Variants in GBE1 observed in about 807,000 individuals in gnomAD.
GBE1 encodes the protein 1,4-alpha-glucan-branching enzyme.
GBE1 carries 70 observed loss-of-function variants against 88.8 expected under a neutral mutation model. That is an observed-to-expected ratio of 0.79 (90% confidence interval 0.65 to 0.96). The LOEUF (loss-of-function observed/expected upper bound fraction) is 0.96, where lower values mean the gene tolerates loss of function less well. Among genes scored for constraint, GBE1 ranks in the 40% least tolerant of loss-of-function variants. The pLI is 0.00. For synonymous variants in GBE1, 284 were observed against 300.1 expected (o/e 0.95, Z 0.56); for missense variants, 872 against 871.0 (o/e 1.00, Z -0.01).
chr3:81,737,343 T>A (rs13085901), intron 1 of GBE1, among the ~76,000 whole-genome samples: 110 of 33,604 alleles, frequency 3.3e-3, no homozygotes, highest in Middle Eastern at 0.011. Flanking sequence ...TTATATATAT[T>A]TATATAAATA....
intron 14 of GBE1, among the ~76,000 whole-genome samples, chr3:81,503,274 A>G (rs1702613602): frequency 6.6e-6 from 1 of 152,184 alleles, no homozygotes; most frequent in Non-Finnish European, 1.5e-5. Flanking sequence ...TAAATAGAGC[A>G]AAAAGCAATA....
At chr3:81,727,020 G>A (rs1437267243) in intron 1 of GBE1, among the ~76,000 whole-genome samples, 1 of 152,144 alleles carries the variant, frequency 6.6e-6, no homozygotes, top group Non-Finnish European at 1.5e-5. Flanking sequence ...GTGGAGGAGG[G>A]TATGGGGTCC....
chr3:81,576,705 T>C (rs1049532631), intron 12 of GBE1, among the ~76,000 whole-genome samples: 1 of 152,038 alleles, frequency 6.6e-6, no homozygotes, highest in African/African-American at 2.4e-5. Context: ...ACCTGGCTGA[T>C]GCGATACAGT....
At chr3:81,753,168 A>T (rs1706555424) in intron 1 of GBE1, among the ~76,000 whole-genome samples, 1 of 152,170 alleles carries the variant, frequency 6.6e-6, no homozygotes, top group South Asian at 2.1e-4. Flanking sequence ...TTAAAACTCT[A>T]CATAATCATG....
At chr3:81,586,490 T>A (rs1703804563) in intron 9 of GBE1, among the ~76,000 whole-genome samples, 1 of 152,244 alleles carries the variant, frequency 6.6e-6, no homozygotes, top group South Asian at 2.1e-4. Flanking sequence ...ATTTTTGAAC[T>A]ACTGTAAAAC....
chr3:81,670,963 TGAA>T lies in GBE1; in HGVS notation c.314-13_314-11del, dbSNP rs750647412. On this transcript the variant is annotated splice_polypyrimidine_tract_variant and intron_variant, in intron 2 of 15. Transcript: ENST00000429644. ...AATGGATTCCAACCATCTAAAAAAA[TGAA>T]GAAGATCAGTTAACAACAGCATGAT... 3.9e-5 allele frequency: 55 copies of T among 1,405,582 alleles called. No individual in the cohort carries two copies. The Admixed American group carries it at 5.8e-4, about 15-fold the overall frequency. 87.1% of individuals were successfully genotyped at this position (1,405,582 alleles called of 1,614,324 possible).
chr3:81,750,524 C>A (rs1323021465), intron 1 of GBE1, among the ~76,000 whole-genome samples: 2 of 93,892 alleles, frequency 2.1e-5, no homozygotes, highest in Admixed American at 1.2e-4. Flanking sequence ...TCAAAACATT[C>A]ATATATATAT....
chr3:81,535,417 T>TA, intron 13 of GBE1, 92 bp from the exon 14 acceptor site: 2 of 1,240,014 alleles, frequency 1.6e-6, no homozygotes, highest in South Asian at 3.1e-5. Context: ...GTCTGGTTAT[T>TA]AAACCAAAAA....
At chr3:81,519,582 T>G (rs1329065295) in intron 14 of GBE1, among the ~76,000 whole-genome samples, 1 of 150,278 alleles carries the variant, frequency 6.7e-6, no homozygotes, top group Non-Finnish European at 1.5e-5. Context: ...ATAAATAAGC[T>G]GGGGGGGGTT....
intron 10 of GBE1, among the ~76,000 whole-genome samples, chr3:81,583,627 C>G (rs1703761785): frequency 6.6e-6 from 1 of 151,990 alleles, no homozygotes; most frequent in Non-Finnish European, 1.5e-5. Context: ...ATTTTGCTAA[C>G]TGAAAATGCC....
chr3:81,597,054 A>T lies in GBE1; in HGVS notation c.993-3031T>A, dbSNP rs552554394. On this transcript the variant is annotated intron_variant, in intron 7 of 15. Coordinates refer to ENST00000429644, the MANE Select transcript of GBE1 (RefSeq NM_000158.4). The stretch of plus-strand genomic sequence containing the variant: ...TCCAGATTGTGACTGAATTAGAAAT[A>T]TTGTTCAATGTTCTCTCTAGTAGTA... Among the ~76,000 whole-genome samples the T allele has an allele frequency of 2.0e-5, 3 of 152,032 alleles. No homozygotes were observed. In the South Asian group the frequency reaches 6.2e-4, roughly 32 times the overall value.
intron 14 of GBE1, among the ~76,000 whole-genome samples, chr3:81,522,539 C>T (rs1702889847): frequency 6.6e-6 from 1 of 151,324 alleles, no homozygotes; most frequent in South Asian, 2.1e-4. Context: ...TGCTCCCTTC[C>T]TGCCCCCCCC....
At chr3:81,543,289 AAAAATTGTATCAGTGATTGTAGAC>A (rs1703165474) in intron 12 of GBE1, among the ~76,000 whole-genome samples, 1 of 152,106 alleles carries the variant, frequency 6.6e-6, no homozygotes, top group African/African-American at 2.4e-5. Context: ...AGAGAGACAG[AAAAATTGTATCAGTGATTGTAGAC>A]AAAACATTCT....
At position 81,709,463 on chromosome 3, in the gene GBE1, T is replaced by TA. The variant is rs749789580; in HGVS notation, c.144-3851dup. 3.2e-4 allele frequency among the ~76,000 whole-genome samples: 48 copies of TA among 152,080 alleles called. 1 individual carries two copies. Among genetic ancestry groups the TA allele is most frequent in the Admixed American group, 2.0e-4 (3 of 15,262 alleles). The stretch of plus-strand genomic sequence containing the variant: ...AACAAAACAAAAACTGAACTTAGGG[T>TA]AAAAAATATACACACACATACACCC... On this transcript the variant is annotated intron_variant, in intron 1 of 15. Transcript: ENST00000429644.
chr3:81,643,898 T>C (rs1299469280), intron 6 of GBE1, among the ~76,000 whole-genome samples: 2 of 152,172 alleles, frequency 1.3e-5, no homozygotes, highest in Non-Finnish European at 1.5e-5. Context: ...GTGAAGACCA[T>C]TGTCCTGATC....
At chr3:81,654,699 AC>A (rs1416621576) in intron 3 of GBE1, 1 of 152,234 alleles carries the variant, frequency 6.6e-6, no homozygotes, top group Non-Finnish European at 1.5e-5. Context: ...GATCAAGATA[AC>A]TATTTGATAG....
intron 1 of GBE1, among the ~76,000 whole-genome samples, chr3:81,730,716 CA>C (rs1343121549): frequency 6.6e-6 from 1 of 152,162 alleles, no homozygotes; most frequent in Non-Finnish European, 1.5e-5. Context: ...AATAAAAACA[CA>C]GCCGAAGACT....
At position 81,761,432 on chromosome 3, in the gene GBE1, G is replaced by C; in HGVS notation, c.86C>G (p.Ala29Gly). ...NAALADVPEL[A>G]RLLEIDPYLK... ...GTACGGGTCGATCTCCAGGAGTCTG[G>C]CCAGTTCGGGCACGTCAGCCAGGGC... Residue 29 changes from alanine to glycine, a missense_variant, in exon 1 of 16, where the codon GCC becomes GGC. Ala to Gly is a moderately conservative substitution (Grantham distance 60). Transcript: ENST00000429644. 2 of 1,613,690 alleles carry C rather than the reference G, an allele frequency of 1.2e-6. No homozygotes were observed. Among genetic ancestry groups the C allele is most frequent in the Non-Finnish European group, 1.7e-6 (2 of 1,179,694 alleles).
intron 15 of GBE1, among the ~76,000 whole-genome samples, chr3:81,497,912 T>G (rs955975326): frequency 6.6e-6 from 1 of 152,234 alleles, no homozygotes; most frequent in East Asian, 1.9e-4. Context: ...CAAAATTGAA[T>G]GTTCTCACAG....
Sources: gnomAD v4.1 joint callset for allele counts (sites outside exome capture counted in the v4.1 genomes callset) on GRCh38, gnomAD v4.1.1 for gene constraint, MANE v1.5 for transcripts, NCBI Gene and HGNC (gene_info 2026-07-23, HGNC 2026-07-21) for gene names.